The following ZNF395 variants were observed in gnomAD, a reference collection of about 807,000 sequenced individuals.
ZNF395 encodes zinc finger protein 395.
A neutral mutation model predicts 57.7 loss-of-function variants in ZNF395; 20 were observed. The observed-to-expected ratio is 0.35, with a 90% CI of 0.24 to 0.50. The LOEUF is 0.50. Among genes scored for constraint, ZNF395 ranks in the 20% least tolerant of loss-of-function variants. ZNF395 has a pLI of 0.97. For missense variants in ZNF395, 606 were observed against 671.2 expected, an observed-to-expected ratio of 0.90 and a Z score of 1.07; for synonymous variants, 295 against 275.9, an observed-to-expected ratio of 1.07 and a Z score of -0.69.
At chr8:28,385,651 G>A (rs1217546233) in intron 1 of ZNF395, among the ~76,000 whole-genome samples, 1 of 148,388 alleles carries the variant, frequency 6.7e-6, no homozygotes, top group Non-Finnish European at 1.5e-5. Flanking sequence ...AGGGCCGGGC[G>A]CGGGAGGGCC....
At chr8:28,358,151 C>CTTTTTTTTTTTTTTTTTTTTTTTTT (rs746800075) in intron 3 of ZNF395, among the ~76,000 whole-genome samples, 1 of 101,128 alleles carries the variant, frequency 9.9e-6, no homozygotes. Context: ...TCTTTTTTTT[C>CTTTTTTTTTTTTTTTTTTTTTTTTT]TTTTTTTTTT....
chr8:28,381,014 AGTGT>A (rs10561721), intron 1 of ZNF395, among the ~76,000 whole-genome samples: 6,713 of 134,218 alleles, frequency 0.05, 156 homozygotes, highest in African/African-American at 0.068. Context: ...ACACCCTGCT[AGTGT>A]GTGTGTGTGT....
chr8:28,362,518 A>C (rs1420739171), intron 1 of ZNF395, among the ~76,000 whole-genome samples: 1 of 152,206 alleles, frequency 6.6e-6, no homozygotes, highest in Non-Finnish European at 1.5e-5. Flanking sequence ...CCCCACCCCC[A>C]GTGCCTATGG....
Position 28,357,935 on chromosome 8 carries a change from A to G in ZNF395, c.474-1156T>C, listed in dbSNP as rs375425161. 1.8e-4 allele frequency among the ~76,000 whole-genome samples: 27 copies of G among 152,264 alleles called. No homozygotes were observed. The South Asian group carries it at 4.3e-3, about 25-fold the overall frequency. On this transcript the variant is annotated intron_variant, in intron 3 of 9. Transcript: ENST00000344423. ...TGTACATACAGCATATAACATAGAA[A>G]TTAGGATATATATTCTTAGAAAAAA...
At position 28,359,481 on chromosome 8, in the gene ZNF395, G is replaced by T; in HGVS notation, c.473+111C>A. 1 of 1,417,020 alleles carries T rather than the reference G, an allele frequency of 7.1e-7. No homozygotes were observed. Among genetic ancestry groups the T allele is most frequent in the Non-Finnish European group, 9.4e-7 (1 of 1,063,764 alleles). The allele number at this position is 1,417,020 out of a possible 1,614,324, so 87.8% of individuals were successfully genotyped here. On this transcript the variant is annotated intron_variant, in intron 3 of 9. Transcript: ENST00000344423. The surrounding 1 kb of genome is among the most constrained non-coding windows in gnomAD (Gnocchi z 4.7). The stretch of plus-strand genomic sequence containing the variant: ...GTGTCCCATTTGTCCCAATATCTTG[G>T]CACCCAGATGCCAATGACACCACAT...
rs958702867 is a variant in ZNF395, at chr8:28,352,618, C to T, written c.875G>A (p.Arg292His). Residue 292 changes from arginine to histidine, a missense_variant, in exon 6 of 10, where the codon CGC becomes CAC. Transcript: ENST00000344423. This position sits in a 1 kb window ranked among gnomAD's most constrained non-coding sequence, Gnocchi z 4.0. ...GTGTCGTTTGATGCCCACAATGGAG[C>T]GCAGAACTTTGCCACAGTTTGGCCA... ...CLWPNCGKVL[R>H]SIVGIKRHVK... The T allele has an allele frequency of 5.0e-6, 8 of 1,614,196 alleles. No individual in the cohort carries two copies. The highest frequency in any genetic ancestry group is 6.8e-6 in the Non-Finnish European group (8 of 1,180,038).
At chr8:28,353,104 C>T (rs1801737524) in intron 5 of ZNF395, 69 bp downstream of exon 5, 28 of 1,515,576 alleles carry the variant, frequency 1.8e-5, no homozygotes, top group Non-Finnish European at 2.4e-5. Flanking sequence ...CTGCTCTCCA[C>T]GGCTGGCTGT....
chr8:28,373,748 C>T (rs1463842391), intron 1 of ZNF395, among the ~76,000 whole-genome samples: 1 of 152,142 alleles, frequency 6.6e-6, no homozygotes, highest in Non-Finnish European at 1.5e-5. Context: ...CAATACCAAC[C>T]CTTCCCACAA....
At position 28,351,623 on chromosome 8, in the gene ZNF395, G is replaced by A. The variant is rs774004894; in HGVS notation, c.1105C>T (p.Pro369Ser). Residue 369 changes from proline to serine, a missense_variant, in exon 7 of 10, where the codon CCA (proline) becomes TCA (serine). Pro to Ser is a moderately conservative substitution (Grantham distance 74). Transcript: ENST00000344423. ...GAGGACTGGGCTTTGTGCAGAGGTG[G>A]TGGAAGAGCAGACAGAGGCAGGCCA... ...MTGLPLSALP[P>S]PLHKAQSSGP... The A allele has an allele frequency of 1.2e-6, 2 of 1,613,684 alleles. No homozygotes were observed. Among genetic ancestry groups the A allele is most frequent in the Non-Finnish European group, 1.7e-6 (2 of 1,180,024 alleles).
chr8:28,365,199 A>G (rs1400424310), intron 1 of ZNF395: 1 of 152,266 alleles, frequency 6.6e-6, no homozygotes, highest in Non-Finnish European at 1.5e-5. Context: ...AGACAGCACA[A>G]GTAACCAAGG....
chr8:28,369,980 C>A (rs139110369), intron 1 of ZNF395, among the ~76,000 whole-genome samples: 1 of 152,174 alleles, frequency 6.6e-6, no homozygotes, highest in East Asian at 1.9e-4. Flanking sequence ...GCACTTAATA[C>A]GCTCTGAAGC....
At chr8:28,358,052 G>A (rs1435724120) in intron 3 of ZNF395, among the ~76,000 whole-genome samples, 1 of 152,056 alleles carries the variant, frequency 6.6e-6, no homozygotes, top group Non-Finnish European at 1.5e-5. Flanking sequence ...GCAGGCTGTG[G>A]ACCCAATGTA....
intron 1 of ZNF395, among the ~76,000 whole-genome samples, chr8:28,380,414 A>C (rs1376435213): frequency 6.6e-6 from 1 of 152,068 alleles, no homozygotes; most frequent in Non-Finnish European, 1.5e-5. Flanking sequence ...AATTCCTCTC[A>C]CTTCTGCGCC....
chr8:28,356,531 G>C lies in ZNF395; in HGVS notation c.583+139C>G. On this transcript the variant is annotated intron_variant, in intron 4 of 9. Transcript: ENST00000344423. The surrounding 1 kb of genome is among the most constrained non-coding windows in gnomAD (Gnocchi z 4.0). ...GCATCTAACTCCATGGCATGCAGCC[G>C]GTCAGAGGTGCCAGTGGGAGGTGTC... 2 of 609,806 alleles carry C rather than the reference G, an allele frequency of 3.3e-6. No homozygotes were observed. The highest frequency in any genetic ancestry group is 2.1e-5 in the South Asian group (1 of 48,402). 37.8% of individuals were successfully genotyped at this position (609,806 alleles called of 1,614,324 possible). A position where few individuals can be genotyped will look rare whatever the true frequency, so the allele number is the denominator to read the frequency against.
intron 9 of ZNF395, 136 bp downstream of exon 9, chr8:28,348,989 C>A: frequency 8.7e-7 from 1 of 1,143,744 alleles, no homozygotes; most frequent in South Asian, 1.4e-5. Flanking sequence ...AACAGTCATC[C>A]CATCTGGTGC....
At chr8:28,358,775 A>G (rs560226905) in intron 3 of ZNF395, among the ~76,000 whole-genome samples, 7 of 152,304 alleles carry the variant, frequency 4.6e-5, no homozygotes, top group African/African-American at 1.4e-4. Flanking sequence ...CATGTGACAC[A>G]TGGAAAGTAT....
chr8:28,380,740 G>A (rs1243122580), intron 1 of ZNF395, among the ~76,000 whole-genome samples: 1 of 152,188 alleles, frequency 6.6e-6, no homozygotes, highest in Non-Finnish European at 1.5e-5. Flanking sequence ...TATAAGACAG[G>A]AAATAGATTT....
chr8:28,373,652 C>A (rs1317603027), intron 1 of ZNF395, among the ~76,000 whole-genome samples: 3 of 152,138 alleles, frequency 2.0e-5, no homozygotes, highest in Non-Finnish European at 4.4e-5. Flanking sequence ...TCCACACAAC[C>A]ACTATCAACA....
chr8:28,357,751 T>C (rs1801798248), intron 3 of ZNF395, among the ~76,000 whole-genome samples: 1 of 152,208 alleles, frequency 6.6e-6, no homozygotes, highest in Non-Finnish European at 1.5e-5. Flanking sequence ...CTATCACAAA[T>C]ATTGCTGCTC....
Sources: gnomAD v4.1 joint callset for allele counts (sites outside exome capture counted in the v4.1 genomes callset) on GRCh38, gnomAD v4.1.1 for gene constraint, Gnocchi (gnomAD v3.1) non-coding constraint, MANE v1.5 for transcripts, NCBI Gene and HGNC (gene_info 2026-07-23, HGNC 2026-07-21) for gene names.